The following CAMK1D variants were observed in gnomAD, a reference collection of about 807,000 sequenced individuals.
The protein encoded by CAMK1D is calcium/calmodulin-dependent protein kinase type 1D.
Under a neutral mutation model 47.7 loss-of-function variants are expected in CAMK1D, and 9 were observed. The ratio of observed to expected loss-of-function variants is 0.19; its 90% CI spans 0.11 to 0.33. The LOEUF (loss-of-function observed/expected upper bound fraction) is 0.33, where lower values mean the gene tolerates loss of function less well. CAMK1D is among the 10% of genes least tolerant of loss of function. CAMK1D has a pLI of 1.00. For synonymous variants in CAMK1D, 184 were observed against 184.9 expected (o/e 0.99, Z 0.04); for missense variants, 291 against 488.7 (o/e 0.60, Z 3.81).
intron 1 of CAMK1D, among the ~76,000 whole-genome samples, chr10:12,552,343 G>A (rs888892941): frequency 2.6e-5 from 4 of 152,194 alleles, no homozygotes; most frequent in Admixed American, 6.5e-5. Flanking sequence ...CAAGCTGCTC[G>A]GTGAGCACTT....
At chr10:12,556,640 A>C (rs1042066002) in intron 2 of CAMK1D, among the ~76,000 whole-genome samples, 1 of 152,158 alleles carries the variant, frequency 6.6e-6, no homozygotes, top group Non-Finnish European at 1.5e-5. Flanking sequence ...CTCCAGGGCA[A>C]AGGGTTCAGG....
chr10:12,517,811 A>T (rs896634061), intron 1 of CAMK1D, among the ~76,000 whole-genome samples: 2 of 152,116 alleles, frequency 1.3e-5, no homozygotes, highest in African/African-American at 4.8e-5. Flanking sequence ...GTGCTCATGG[A>T]GAATATTGGT....
chr10:12,721,511 A>ACTAT (rs996195915), intron 3 of CAMK1D, among the ~76,000 whole-genome samples: 1 of 150,646 alleles, frequency 6.6e-6, no homozygotes, highest in African/African-American at 2.4e-5. Context: ...GCTACCATCC[A>ACTAT]CCATCCATCC....
At chr10:12,570,964 A>G (rs1179174504) in intron 2 of CAMK1D, among the ~76,000 whole-genome samples, 1 of 151,784 alleles carries the variant, frequency 6.6e-6, no homozygotes, top group Non-Finnish European at 1.5e-5. Context: ...TAAAAAAAAG[A>G]TCCATGAGGA....
intron 3 of CAMK1D, among the ~76,000 whole-genome samples, chr10:12,718,378 T>A (rs1834237889): frequency 1.3e-5 from 2 of 152,222 alleles, no homozygotes; most frequent in South Asian, 4.1e-4. Flanking sequence ...TTGATTTTTA[T>A]ACAGCATAAG....
intron 1 of CAMK1D, among the ~76,000 whole-genome samples, chr10:12,374,277 A>G (rs1424237018): frequency 5.5e-5 from 8 of 146,494 alleles, no homozygotes; most frequent in Non-Finnish European, 7.5e-5. Flanking sequence ...AAAAAAAAAA[A>G]AAAGAAAAAA....
At chr10:12,585,197 C>G (rs1464842349) in intron 2 of CAMK1D, among the ~76,000 whole-genome samples, 1 of 152,178 alleles carries the variant, frequency 6.6e-6, no homozygotes, top group Non-Finnish European at 1.5e-5. Flanking sequence ...CTGGTAGTTC[C>G]TGAAATTTAA....
At chr10:12,470,211 T>C (rs770089369) in intron 1 of CAMK1D, among the ~76,000 whole-genome samples, 1 of 152,214 alleles carries the variant, frequency 6.6e-6, no homozygotes. Flanking sequence ...GCTTTCTATA[T>C]GGTATATTTA....
chr10:12,367,823 T>C (rs895097402), intron 1 of CAMK1D, among the ~76,000 whole-genome samples: 9 of 152,222 alleles, frequency 5.9e-5, no homozygotes, highest in African/African-American at 2.2e-4. Flanking sequence ...ACCTCCTGTT[T>C]TGTTGCCCAG....
At chr10:12,392,267 A>G (rs908211193) in intron 1 of CAMK1D, among the ~76,000 whole-genome samples, 1 of 152,036 alleles carries the variant, frequency 6.6e-6, no homozygotes, top group Non-Finnish European at 1.5e-5. Context: ...GTGCCATTGC[A>G]CTCCAGCCTG....
intron 7 of CAMK1D, among the ~76,000 whole-genome samples, chr10:12,814,806 C>T (rs1832736091): frequency 6.6e-6 from 1 of 152,186 alleles, no homozygotes; most frequent in African/African-American, 2.4e-5. Flanking sequence ...TAACAGCTCT[C>T]AGAAAGCTTC....
Position 12,356,721 on chromosome 10 carries a change from C to CA in CAMK1D, c.92+6833dup, listed in dbSNP as rs71384311. On this transcript the variant is annotated intron_variant, in intron 1 of 10. Coordinates refer to ENST00000619168, the MANE Select transcript of CAMK1D (RefSeq NM_153498.4). Reference sequence around the variant, plus strand: ...TGGGTGACACAGTGAGACTCCATTTCAAAAAAAAAAAAAAAAAAAAAAGAA... The same window carrying CA: ...TGGGTGACACAGTGAGACTCCATTTCAAAAAAAAAAAAAAAAAAAAAAAGAA... Among the ~76,000 whole-genome samples the CA allele has an allele frequency of 3.6e-3, 270 of 74,938 alleles. 4 individuals carry two copies. The highest frequency in any genetic ancestry group is 0.013 in the African/African-American group (247 of 19,142). The allele number at this position is 74,938 out of a possible 152,430, so 49.2% of individuals were successfully genotyped here.
At chr10:12,676,154 G>T (rs377626946) in intron 3 of CAMK1D, among the ~76,000 whole-genome samples, 1 of 152,076 alleles carries the variant, frequency 6.6e-6, no homozygotes, top group Non-Finnish European at 1.5e-5. Flanking sequence ...GGGTTTCACC[G>T]TGTTGGCCTG....
chr10:12,430,587 A>G (rs889824421), intron 1 of CAMK1D, among the ~76,000 whole-genome samples: 1 of 152,208 alleles, frequency 6.6e-6, no homozygotes, highest in African/African-American at 2.4e-5. Context: ...TTTTGCAAAC[A>G]CACTGAGACC....
intron 1 of CAMK1D, among the ~76,000 whole-genome samples, chr10:12,359,226 G>A (rs1837592845): frequency 6.6e-6 from 1 of 152,190 alleles, no homozygotes; most frequent in African/African-American, 2.4e-5. Context: ...TGAGGCTTGT[G>A]GTGAAGATGA....
At chr10:12,590,136 AATACTTTAT>A (rs1837953278) in intron 2 of CAMK1D, among the ~76,000 whole-genome samples, 1 of 152,146 alleles carries the variant, frequency 6.6e-6, no homozygotes, top group South Asian at 2.1e-4. Flanking sequence ...TAGGTCACTG[AATACTTTAT>A]TTCTTGCTGC....
intron 2 of CAMK1D, among the ~76,000 whole-genome samples, chr10:12,569,352 T>A (rs1306355113): frequency 6.6e-6 from 1 of 152,188 alleles, no homozygotes; most frequent in Non-Finnish European, 1.5e-5. Flanking sequence ...AAAATCTTGT[T>A]ATTTCGAACT....
chr10:12,740,910 A>G (rs1035906294), intron 3 of CAMK1D, among the ~76,000 whole-genome samples: 10 of 152,178 alleles, frequency 6.6e-5, no homozygotes, highest in Non-Finnish European at 1.2e-4. Flanking sequence ...GTGGGAGTTA[A>G]TAATCATGAG....
chr10:12,760,811 AG>A, intron 3 of CAMK1D, 136 bp from the exon 4 acceptor site: 1 of 871,230 alleles, frequency 1.1e-6, no homozygotes. Context: ...ATAGCCTCTG[AG>A]GAATAGGGGG....
Sources: allele counts gnomAD v4.1 joint callset (sites outside exome capture counted in the v4.1 genomes callset), GRCh38; gene constraint gnomAD v4.1.1; transcripts MANE v1.5; gene names NCBI Gene and HGNC (gene_info 2026-07-23, HGNC 2026-07-21).